Variants in FAM167A observed in about 807,000 individuals in gnomAD.
The protein encoded by FAM167A is family with sequence similarity 167 member A, also known as protein FAM167A.
In FAM167A, 23 loss-of-function variants were observed where a neutral mutation model predicts 14.9. That is an observed-to-expected ratio of 1.55 (90% CI 1.11 to 2.19). The LOEUF is 2.19. Ranked by LOEUF, FAM167A falls within the 30% of genes most tolerant of loss-of-function variation. The probability of loss-of-function intolerance (pLI) is 0.00; values close to 1 mark genes in which losing one functional copy is unlikely to be tolerated. For synonymous variants in FAM167A, 174 were observed against 117.7 expected (o/e 1.48, Z -3.10); for missense variants, 401 against 281.5 (o/e 1.42, Z -3.04).
At chr8:11,458,670 G>C (rs545360523) in intron 1 of FAM167A, among the ~76,000 whole-genome samples, 2 of 152,226 alleles carry the variant, frequency 1.3e-5, no homozygotes, top group Admixed American at 6.5e-5. Flanking sequence ...GGAGAAATAG[G>C]GTATTTTCAT....
intron 1 of FAM167A, among the ~76,000 whole-genome samples, chr8:11,450,928 G>A (rs1227987510): frequency 6.6e-6 from 1 of 152,212 alleles, no homozygotes; most frequent in Non-Finnish European, 1.5e-5. Context: ...AGGAACAGCT[G>A]CAGCTCATCC....
chr8:11,464,310 A>G (rs1448244010), intron 1 of FAM167A, among the ~76,000 whole-genome samples: 1 of 152,058 alleles, frequency 6.6e-6, no homozygotes, highest in Non-Finnish European at 1.5e-5. Flanking sequence ...AAAAGCTGAG[A>G]CCTGCGGCCT....
chr8:11,459,490 A>G (rs561379761), intron 1 of FAM167A, among the ~76,000 whole-genome samples: 6 of 152,218 alleles, frequency 3.9e-5, no homozygotes, highest in Admixed American at 3.9e-4. Context: ...TGGGCAGAAG[A>G]GGAAGAAGAG....
chr8:11,444,628 A>G lies in FAM167A; in HGVS notation c.-217T>C, dbSNP rs986352158. 1.6e-5 allele frequency: 22 copies of G among 1,361,944 alleles called. No homozygotes were observed. Among genetic ancestry groups the G allele is most frequent in the Non-Finnish European group, 2.0e-5 (21 of 1,063,170 alleles). 84.4% of individuals were successfully genotyped at this position (1,361,944 alleles called of 1,614,324 possible). A position where few individuals can be genotyped will look rare whatever the true frequency, so the allele number is the denominator to read the frequency against. On this transcript the variant is annotated 5_prime_UTR_variant, in exon 2 of 3. The change abolishes the stop of an existing upstream ORF in the 5' untranslated region. Coordinates refer to ENST00000284486, the MANE Select transcript of FAM167A (RefSeq NM_053279.3). ...GGCGCCCTCCTGGAGGCTCGGGTCTATGATCCGTCCTGGAAGCCTGTGGGT... is the reference window on the plus strand; with the variant it reads ...GGCGCCCTCCTGGAGGCTCGGGTCTGTGATCCGTCCTGGAAGCCTGTGGGT...
At chr8:11,441,485 G>A (rs1806433254) in intron 2 of FAM167A, among the ~76,000 whole-genome samples, 1 of 152,216 alleles carries the variant, frequency 6.6e-6, no homozygotes, top group South Asian at 2.1e-4. Flanking sequence ...GGCAGTCAAT[G>A]CTCTGAGAGA....
chr8:11,469,196 A>G, upstream of FAM167A, among the ~76,000 whole-genome samples: 1 of 152,260 alleles, frequency 6.6e-6, no homozygotes, highest in Admixed American at 6.5e-5. Flanking sequence ...TATGCATGGA[A>G]AAAAGATTGG....
In FAM167A at chr8:11,424,368, G is replaced by T; in HGVS notation, c.*5C>A. 1 of 1,613,918 alleles carries T rather than the reference G, an allele frequency of 6.2e-7. No homozygotes were observed. Among genetic ancestry groups the T allele is most frequent in the Non-Finnish European group, 8.5e-7 (1 of 1,179,876 alleles). ...TCCAGCCCCTCCGCCCAGTCTGAGGGCTCCTCAGCAGAGAGAGAACCTCCG... is the reference window on the plus strand; with the variant it reads ...TCCAGCCCCTCCGCCCAGTCTGAGGTCTCCTCAGCAGAGAGAGAACCTCCG... On this transcript the variant is annotated 3_prime_UTR_variant, in exon 3 of 3. Transcript: ENST00000284486.
At chr8:11,435,042 A>T (rs1805912151) in intron 2 of FAM167A, 2 of 456,556 alleles carry the variant, frequency 4.4e-6, no homozygotes, top group Admixed American at 2.4e-5. Flanking sequence ...CCCCTCACTC[A>T]ATCTGTCTCC....
At chr8:11,442,197 C>T (rs550429790) in intron 2 of FAM167A, among the ~76,000 whole-genome samples, 1 of 152,308 alleles carries the variant, frequency 6.6e-6, no homozygotes, top group South Asian at 2.1e-4. Context: ...GCACACTGGG[C>T]AGGGCACTTC....
intron 1 of FAM167A, among the ~76,000 whole-genome samples, chr8:11,462,997 G>C (rs776983944): frequency 6.6e-5 from 10 of 152,188 alleles, no homozygotes; most frequent in Admixed American, 2.6e-4. Flanking sequence ...AGAGCTCCAG[G>C]GAGGTGTGGT....
At chr8:11,430,299 G>T (rs1431168759) in intron 2 of FAM167A, among the ~76,000 whole-genome samples, 1 of 152,196 alleles carries the variant, frequency 6.6e-6, no homozygotes, top group Non-Finnish European at 1.5e-5. Context: ...GTGGTGACAG[G>T]GTGTCCCCAC....
chr8:11,461,761 G>A (rs1446555445), intron 1 of FAM167A, among the ~76,000 whole-genome samples: 2 of 152,204 alleles, frequency 1.3e-5, no homozygotes, highest in South Asian at 2.1e-4. Context: ...ATCAACAAAC[G>A]CCAGCTCAAG....
At chr8:11,439,181 T>C (rs1384235605) in intron 2 of FAM167A, among the ~76,000 whole-genome samples, 1 of 152,238 alleles carries the variant, frequency 6.6e-6, no homozygotes, top group Non-Finnish European at 1.5e-5. Flanking sequence ...TTCTACAACC[T>C]TTCTGAGCCT....
intron 2 of FAM167A, among the ~76,000 whole-genome samples, chr8:11,439,965 A>G (rs1005976479): frequency 1.3e-5 from 2 of 152,104 alleles, no homozygotes; most frequent in Non-Finnish European, 2.9e-5. Context: ...GGACTCAGCT[A>G]GAGAGGAGAG....
In FAM167A at chr8:11,444,691, A is replaced by C. The variant is rs1391853153; in HGVS notation, c.-280T>G. The C allele has an allele frequency of 3.3e-5, 40 of 1,217,796 alleles. No homozygotes were observed. The highest frequency in any genetic ancestry group is 4.1e-5 in the Non-Finnish European group (40 of 975,758). The allele number at this position is 1,217,796 out of a possible 1,614,324, so 75.4% of individuals were successfully genotyped here. ...AGAAGGCAGGAACAGACAGCGTCGC[A>C]GGAATCTCGGGGCAGCCTGTGCCAA... On this transcript the variant is annotated 5_prime_UTR_variant, in exon 2 of 3. Coordinates refer to ENST00000284486, the MANE Select transcript of FAM167A (RefSeq NM_053279.3).
chr8:11,424,675 G>A, intron 2 of FAM167A, 39 bp from the exon 3 acceptor site: 2 of 1,606,054 alleles, frequency 1.2e-6, no homozygotes, highest in Non-Finnish European at 1.7e-6. Flanking sequence ...AGCAGAGAGT[G>A]GCTCGAGTCC....
chr8:11,435,782 C>G (rs543844150), intron 2 of FAM167A, among the ~76,000 whole-genome samples: 215 of 152,330 alleles, frequency 1.4e-3, no homozygotes, highest in African/African-American at 5.0e-3. Context: ...TAATAGTACC[C>G]ACTTACTGAT....
Position 11,424,236 on chromosome 8 carries a change from C to G in FAM167A, c.*137G>C, listed in dbSNP as rs1160914629. On this transcript the variant is annotated 3_prime_UTR_variant, in exon 3 of 3. Coordinates refer to ENST00000284486, the MANE Select transcript of FAM167A (RefSeq NM_053279.3). ...GGTGGGAGAGCACCACTGAATAGGT[C>G]CTGGGGCCCTTGAGTCGCCAGTCCC... The G allele has an allele frequency of 1.7e-6, 2 of 1,149,118 alleles. No individual in the cohort carries two copies. Among genetic ancestry groups the G allele is most frequent in the South Asian group, 3.0e-5 (2 of 66,896 alleles). The allele number at this position is 1,149,118 out of a possible 1,614,324, so 71.2% of individuals were successfully genotyped here.
intron 2 of FAM167A, among the ~76,000 whole-genome samples, chr8:11,435,888 C>T (rs549905590): frequency 2.0e-5 from 3 of 152,354 alleles, no homozygotes; most frequent in Admixed American, 6.5e-5. Context: ...CATCGAGTTC[C>T]GGAATTACTA....
Sources: gnomAD v4.1 joint callset for allele counts (sites outside exome capture counted in the v4.1 genomes callset) on GRCh38, gnomAD v4.1.1 for gene constraint, MANE v1.5 for transcripts, NCBI Gene and HGNC (gene_info 2026-07-23, HGNC 2026-07-21) for gene names.